Variants in CACNA2D3 observed in about 807,000 individuals in gnomAD.
The protein encoded by CACNA2D3 is calcium voltage-gated channel auxiliary subunit alpha2delta 3, also known as voltage-dependent calcium channel subunit alpha-2/delta-3.
A neutral mutation model predicts 160.6 loss-of-function variants in CACNA2D3; 60 were observed. The observed-to-expected ratio is 0.37, with a 90% CI of 0.30 to 0.46. CACNA2D3 has a LOEUF of 0.46. Ranked by LOEUF, CACNA2D3 falls within the 20% of genes least tolerant of loss-of-function variation. CACNA2D3 has a pLI of 1.00. For synonymous variants in CACNA2D3, 558 were observed against 492.9 expected, an observed-to-expected ratio of 1.13 and a Z score of -1.75; for missense variants, 1,205 against 1,365.0, an observed-to-expected ratio of 0.88 and a Z score of 1.85.
Position 54,369,502 on chromosome 3 carries a change from C to G in CACNA2D3, c.322-17213C>G, listed in dbSNP as rs1040066280. On this transcript the variant is annotated intron_variant, in intron 3 of 37. Transcript: ENST00000474759. ...GTCCAGCTGCTGTCCCCACTGGACC[C>G]CAGCCTCTGACCACCCTGGATCACC... 5.9e-5 allele frequency among the ~76,000 whole-genome samples: 9 copies of G among 152,138 alleles called. No homozygotes were observed. In the East Asian group the frequency reaches 1.7e-3, roughly 29 times the overall value.
At chr3:54,981,547 G>C (rs1203309912) in intron 29 of CACNA2D3, among the ~76,000 whole-genome samples, 1 of 152,064 alleles carries the variant, frequency 6.6e-6, no homozygotes, top group African/African-American at 2.4e-5. Flanking sequence ...AGAAAGGGGG[G>C]CTGGGGAGAG....
intron 17 of CACNA2D3, among the ~76,000 whole-genome samples, chr3:54,859,726 AC>A (rs1699244127): frequency 6.6e-6 from 1 of 152,062 alleles, no homozygotes; most frequent in African/African-American, 2.4e-5. Context: ...ACCAGCTCCA[AC>A]CTGGTAGCCT....
At chr3:54,905,914 C>T (rs1015175969) in intron 27 of CACNA2D3, among the ~76,000 whole-genome samples, 11 of 152,176 alleles carry the variant, frequency 7.2e-5, no homozygotes, top group Non-Finnish European at 1.6e-4. Flanking sequence ...TTAATTAACT[C>T]ATTCAATAAA....
chr3:54,430,381 G>A (rs1437712007), intron 4 of CACNA2D3, among the ~76,000 whole-genome samples: 1 of 152,208 alleles, frequency 6.6e-6, no homozygotes, highest in Non-Finnish European at 1.5e-5. Context: ...CTTTCATTGA[G>A]TTGTTGAGCT....
chr3:54,720,171 G>T (rs1415699755), intron 11 of CACNA2D3, among the ~76,000 whole-genome samples: 1 of 151,596 alleles, frequency 6.6e-6, no homozygotes, highest in Non-Finnish European at 1.5e-5. Flanking sequence ...ACTTTCTTGG[G>T]GTTAAATTTG....
intron 2 of CACNA2D3, among the ~76,000 whole-genome samples, chr3:54,276,921 G>A (rs1702755417): frequency 6.6e-6 from 1 of 152,224 alleles, no homozygotes; most frequent in Admixed American, 6.5e-5. Flanking sequence ...GTACACTGTG[G>A]TTGTTTATGT....
chr3:54,173,255 A>T (rs1018451909), intron 2 of CACNA2D3, among the ~76,000 whole-genome samples: 6 of 152,326 alleles, frequency 3.9e-5, no homozygotes, highest in African/African-American at 1.4e-4. Flanking sequence ...AACATTCTGC[A>T]AACATCTTTG....
chr3:54,883,261 A>G (rs1699843993), intron 21 of CACNA2D3, among the ~76,000 whole-genome samples: 1 of 152,138 alleles, frequency 6.6e-6, no homozygotes, highest in Non-Finnish European at 1.5e-5. Context: ...TGACCTCGTT[A>G]TCTGCCTTCC....
chr3:54,997,769 G>A (rs1379606706), intron 31 of CACNA2D3, among the ~76,000 whole-genome samples: 1 of 152,138 alleles, frequency 6.6e-6, no homozygotes, highest in African/African-American at 2.4e-5. Context: ...TTCCCCAGGT[G>A]ATTCCAAAGG....
Position 54,885,329 on chromosome 3 carries a change from A to G in CACNA2D3, c.1958+3A>G, listed in dbSNP as rs980874039. The G allele has an allele frequency of 6.2e-7, 1 of 1,613,874 alleles. No individual in the cohort carries two copies. Among genetic ancestry groups the G allele is most frequent in the Non-Finnish European group, 8.5e-7 (1 of 1,179,760 alleles). On this transcript the variant is annotated splice_donor_region_variant and intron_variant, in intron 22 of 37. Transcript: ENST00000474759. ...GATGTGTCCTTGGCAGATGAATGGT[A>G]AGAATTAAACCATCCCTCCTTGACC... is the stretch of plus-strand genomic sequence containing the variant.
At chr3:54,288,219 A>G (rs1284114805) in intron 2 of CACNA2D3, among the ~76,000 whole-genome samples, 1 of 152,234 alleles carries the variant, frequency 6.6e-6, no homozygotes, top group African/African-American at 2.4e-5. Context: ...AAACAGATGC[A>G]ATAAAAAATG....
At chr3:54,290,606 A>G (rs1400573846) in intron 2 of CACNA2D3, among the ~76,000 whole-genome samples, 2 of 150,948 alleles carry the variant, frequency 1.3e-5, no homozygotes, top group East Asian at 3.9e-4. Flanking sequence ...AGACACATGC[A>G]CACGTATGTT....
At chr3:54,786,042 G>A (rs2106637998) in intron 13 of CACNA2D3, among the ~76,000 whole-genome samples, 1 of 152,194 alleles carries the variant, frequency 6.6e-6, no homozygotes, top group Middle Eastern at 3.4e-3. Flanking sequence ...TTGTTTCCTG[G>A]CTAACACTTA....
chr3:54,612,354 AT>A (rs938164705), intron 9 of CACNA2D3, among the ~76,000 whole-genome samples: 5 of 151,792 alleles, frequency 3.3e-5, no homozygotes, highest in African/African-American at 1.2e-4. Context: ...GACATTAATC[AT>A]TTTTTTTAGA....
chr3:54,882,890 C>G (rs1342253081), intron 21 of CACNA2D3, among the ~76,000 whole-genome samples: 2 of 152,206 alleles, frequency 1.3e-5, no homozygotes, highest in East Asian at 3.8e-4. Flanking sequence ...CCAGAGATTA[C>G]AAAGGCGGCA....
intron 17 of CACNA2D3, among the ~76,000 whole-genome samples, chr3:54,869,964 CTG>C (rs1174521578): frequency 6.6e-6 from 1 of 152,184 alleles, no homozygotes; most frequent in Non-Finnish European, 1.5e-5. Context: ...CCGTGAATGT[CTG>C]TTAATTGAAA....
At chr3:54,696,655 G>C (rs1308458152) in intron 11 of CACNA2D3, among the ~76,000 whole-genome samples, 1 of 152,148 alleles carries the variant, frequency 6.6e-6, no homozygotes, top group Non-Finnish European at 1.5e-5. Context: ...GGCTGTATGT[G>C]CACCTACCAT....
chr3:54,224,040 T>C (rs1371679999), intron 2 of CACNA2D3, among the ~76,000 whole-genome samples: 2 of 152,122 alleles, frequency 1.3e-5, no homozygotes, highest in African/African-American at 4.8e-5. Flanking sequence ...GCTTTTTCTA[T>C]TAAATTTTTT....
At chr3:54,686,551 C>G (rs1176744273) in intron 11 of CACNA2D3, among the ~76,000 whole-genome samples, 1 of 152,186 alleles carries the variant, frequency 6.6e-6, no homozygotes, top group African/African-American at 2.4e-5. Context: ...TTTAGATACT[C>G]TATAATTTAG....
Sources: gnomAD v4.1 joint callset for allele counts (sites outside exome capture counted in the v4.1 genomes callset) on GRCh38, gnomAD v4.1.1 for gene constraint, MANE v1.5 for transcripts, NCBI Gene and HGNC (gene_info 2026-07-23, HGNC 2026-07-21) for gene names.